LRRFIP2: variants seen among roughly 807,000 people sequenced by gnomAD.
The protein encoded by LRRFIP2 is LRR binding FLII interacting protein 2.
In LRRFIP2, 109 loss-of-function variants were observed where a neutral mutation model predicts 125.9. The observed-to-expected ratio is 0.87, with a 90% CI of 0.74 to 1.01. The LOEUF is 1.01. Ranked by LOEUF, LRRFIP2 falls within the 50% of genes least tolerant of loss-of-function variation. The pLI is 0.00. For synonymous variants in LRRFIP2, 291 were observed against 293.1 expected (o/e 0.99, Z 0.07); for missense variants, 850 against 862.3 (o/e 0.99, Z 0.18).
At chr3:37,122,178 T>C (rs549700444) in intron 4 of LRRFIP2, among the ~76,000 whole-genome samples, 2 of 151,308 alleles carry the variant, frequency 1.3e-5, no homozygotes, top group South Asian at 4.2e-4. Context: ...TTTGGTTTTT[T>C]GTCCTTGCGA....
At chr3:37,162,391 A>G (rs2096372312) in intron 1 of LRRFIP2, among the ~76,000 whole-genome samples, 1 of 152,156 alleles carries the variant, frequency 6.6e-6, no homozygotes, top group Non-Finnish European at 1.5e-5. Flanking sequence ...ATAAAAGATT[A>G]AGAATGGCTT....
intron 16 of LRRFIP2, among the ~76,000 whole-genome samples, chr3:37,095,829 C>T (rs1049621843): frequency 1.3e-5 from 2 of 151,910 alleles, no homozygotes; most frequent in African/African-American, 2.4e-5. Flanking sequence ...GCATTTTTAG[C>T]AGAGACAGGG....
At chr3:37,131,071 T>C (rs2095415090) in intron 2 of LRRFIP2, among the ~76,000 whole-genome samples, 1 of 152,186 alleles carries the variant, frequency 6.6e-6, no homozygotes, top group African/African-American at 2.4e-5. Flanking sequence ...AAATGTGTTC[T>C]GATTGATGGC....
chr3:37,093,681 A>T (rs1320114371), intron 17 of LRRFIP2, among the ~76,000 whole-genome samples: 1 of 152,188 alleles, frequency 6.6e-6, no homozygotes, highest in Non-Finnish European at 1.5e-5. Context: ...AGCAGATAGT[A>T]TTGCTCTCCT....
intron 2 of LRRFIP2, among the ~76,000 whole-genome samples, chr3:37,134,433 C>T (rs966608665): frequency 6.6e-6 from 1 of 152,282 alleles, no homozygotes; most frequent in East Asian, 1.9e-4. Context: ...GAACCCCATT[C>T]GGAAGAGCAC....
chr3:37,114,586 C>G (rs1559908153), intron 7 of LRRFIP2, among the ~76,000 whole-genome samples: 1 of 151,934 alleles, frequency 6.6e-6, no homozygotes, highest in Non-Finnish European at 1.5e-5. Context: ...AGTTCGAGAC[C>G]AGCCTGGACA....
intron 2 of LRRFIP2, among the ~76,000 whole-genome samples, chr3:37,148,610 G>C (rs2095921228): frequency 6.6e-6 from 1 of 151,958 alleles, no homozygotes; most frequent in Non-Finnish European, 1.5e-5. Context: ...TTTGTTCTTT[G>C]GACATACCAA....
chr3:37,115,298 T>C (rs1230681557), intron 6 of LRRFIP2, among the ~76,000 whole-genome samples: 1 of 152,244 alleles, frequency 6.6e-6, no homozygotes, highest in African/African-American at 2.4e-5. Context: ...AAACTGTATG[T>C]ATATTCAAAA....
At chr3:37,084,851 TA>T (rs1054004388) in intron 18 of LRRFIP2, among the ~76,000 whole-genome samples, 4 of 131,308 alleles carry the variant, frequency 3.0e-5, no homozygotes, top group African/African-American at 1.0e-4. Context: ...ATGACTTTTT[TA>T]AAGCTAAAAA....
intron 2 of LRRFIP2, chr3:37,143,482 A>G (rs2095772191): frequency 4.2e-6 from 1 of 240,560 alleles, no homozygotes; most frequent in Admixed American, 4.4e-5. Flanking sequence ...TGGGCCTGCA[A>G]TCTTCTCCTT....
intron 1 of LRRFIP2, chr3:37,170,553 G>A (rs898209699): frequency 4.6e-5 from 7 of 152,224 alleles, no homozygotes; most frequent in East Asian, 3.8e-4. Context: ...AAATAATCCT[G>A]TAGCATAGTC....
intron 1 of LRRFIP2, among the ~76,000 whole-genome samples, chr3:37,149,415 G>A (rs1232421178): frequency 6.6e-6 from 1 of 152,040 alleles, no homozygotes; most frequent in East Asian, 1.9e-4. Flanking sequence ...TACTCTAGAG[G>A]CTGAGGCAGG....
At chr3:37,089,201 G>A (rs1485857293) in intron 18 of LRRFIP2, among the ~76,000 whole-genome samples, 1 of 152,020 alleles carries the variant, frequency 6.6e-6, no homozygotes, top group Non-Finnish European at 1.5e-5. Flanking sequence ...AATGGGTTTA[G>A]TCCTTTGACT....
At chr3:37,107,471 A>G (rs2094385447) in intron 13 of LRRFIP2, among the ~76,000 whole-genome samples, 1 of 152,240 alleles carries the variant, frequency 6.6e-6, no homozygotes, top group Non-Finnish European at 1.5e-5. Context: ...TCATACGTGC[A>G]TAAAATATCT....
At chr3:37,091,661 G>T in intron 17 of LRRFIP2, 123 bp from the exon 18 acceptor site, 2 of 690,774 alleles carry the variant, frequency 2.9e-6, no homozygotes, top group Non-Finnish European at 4.7e-6. Context: ...AGAAATCAAA[G>T]TACAAAAACA....
intron 2 of LRRFIP2, among the ~76,000 whole-genome samples, chr3:37,145,075 A>G (rs1157673114): frequency 6.6e-6 from 1 of 152,194 alleles, no homozygotes; most frequent in Non-Finnish European, 1.5e-5. Context: ...TTACTGCTCT[A>G]TTTCCTAGCA....
At chr3:37,165,668 C>T (rs1258231122) in intron 1 of LRRFIP2, among the ~76,000 whole-genome samples, 1 of 151,574 alleles carries the variant, frequency 6.6e-6, no homozygotes, top group East Asian at 1.9e-4. Flanking sequence ...CAGAGAATTG[C>T]TCGAACCCAG....
chr3:37,108,276 C>A (rs1310970573), intron 12 of LRRFIP2, 147 bp from the exon 13 acceptor site: 2 of 654,596 alleles, frequency 3.1e-6, no homozygotes, highest in Non-Finnish European at 5.3e-6. Flanking sequence ...CTACCTCATC[C>A]CCACCCTCAA....
At chr3:37,148,836 G>T in intron 2 of LRRFIP2, 58 bp downstream of exon 2, 1 of 1,591,034 alleles carries the variant, frequency 6.3e-7, no homozygotes, top group South Asian at 1.1e-5. Context: ...CTGTCAAATC[G>T]GCATTTTTAC....
Sources: gnomAD v4.1 joint callset for allele counts (sites outside exome capture counted in the v4.1 genomes callset) on GRCh38, gnomAD v4.1.1 for gene constraint, MANE v1.5 for transcripts, NCBI Gene and HGNC (gene_info 2026-07-23, HGNC 2026-07-21) for gene names.